ELF2: variants seen among roughly 807,000 people sequenced by gnomAD.
ELF2 encodes the protein ETS-related transcription factor Elf-2.
A neutral mutation model predicts 54.8 loss-of-function variants in ELF2; 11 were observed. That is an observed-to-expected ratio of 0.20 (90% CI 0.13 to 0.33). The LOEUF is 0.33. Ranked by LOEUF, ELF2 falls within the 10% of genes least tolerant of loss-of-function variation. The pLI is 1.00. For missense variants in ELF2, 513 were observed against 703.0 expected, an observed-to-expected ratio of 0.73 and a Z score of 3.06; for synonymous variants, 203 against 245.1, an observed-to-expected ratio of 0.83 and a Z score of 1.61.
In ELF2 at chr4:139,148,100, T is replaced by TAAA. The variant is rs146479159; in HGVS notation, c.-251-8606_-251-8604dup. Among the ~76,000 whole-genome samples, 388 of 142,880 alleles carry TAAA rather than the reference T, an allele frequency of 2.7e-3. 4 individuals are homozygous for TAAA. The East Asian group carries it at 0.037, about 14-fold the overall frequency. 93.7% of individuals were successfully genotyped at this position (142,880 alleles called of 152,430 possible). A position where few individuals can be genotyped will look rare whatever the true frequency, so the allele number is the denominator to read the frequency against. The stretch of plus-strand genomic sequence containing the variant: ...CGTGCCCAGCCAAGACCCTGTACCT[T>TAAA]AAAAAAAAAAAAAAATTAATGTACT... On this transcript the variant is annotated intron_variant, in intron 1 of 9. Coordinates refer to ENST00000686138, the MANE Select transcript of ELF2 (RefSeq NM_001331036.3).
chr4:139,136,509 A>G (rs1283515135), intron 3 of ELF2, among the ~76,000 whole-genome samples: 2 of 152,180 alleles, frequency 1.3e-5, no homozygotes, highest in Non-Finnish European at 2.9e-5. Flanking sequence ...ACTGGTAGGA[A>G]GCACGAGTAA....
chr4:139,093,464 T>C (rs1308176731), intron 4 of ELF2, among the ~76,000 whole-genome samples: 3 of 152,200 alleles, frequency 2.0e-5, no homozygotes. Flanking sequence ...ATTTTATGAG[T>C]CTAGTGTAAT....
intron 4 of ELF2, among the ~76,000 whole-genome samples, chr4:139,091,566 C>T (rs1237651724): frequency 4.6e-5 from 7 of 152,194 alleles, no homozygotes; most frequent in Non-Finnish European, 1.0e-4. Context: ...TCAGTGCAGC[C>T]TCAACCTCCT....
chr4:139,091,025 C>A (rs1732515320), intron 4 of ELF2, among the ~76,000 whole-genome samples: 1 of 152,156 alleles, frequency 6.6e-6, no homozygotes, highest in Non-Finnish European at 1.5e-5. Context: ...GCTCCACCTT[C>A]CGGGTTCACG....
rs559330886 is a variant in ELF2 at position 139,136,215 on chromosome 4, T to C, written c.72+1415A>G. 2.6e-5 allele frequency among the ~76,000 whole-genome samples: 4 copies of C among 152,254 alleles called. No homozygotes were observed. In the South Asian group the frequency reaches 8.3e-4, roughly 32 times the overall value. ...GAATCTTGAGGGAAGAAATAAGACA[T>C]TGACGATGGGAAGAAAGTATGTTCT... On this transcript the variant is annotated intron_variant, in intron 3 of 9. Transcript: ENST00000686138.
At chr4:139,131,540 A>C (rs935944378) in intron 3 of ELF2, among the ~76,000 whole-genome samples, 3 of 152,214 alleles carry the variant, frequency 2.0e-5, no homozygotes, top group African/African-American at 7.2e-5. Flanking sequence ...AAAGATAATA[A>C]AATTCAGGAG....
chr4:139,109,125 CTT>C (rs1302515149), intron 4 of ELF2, among the ~76,000 whole-genome samples: 2 of 152,070 alleles, frequency 1.3e-5, no homozygotes, highest in African/African-American at 4.8e-5. Context: ...ATAAATCTAA[CTT>C]TATTTTTTTT....
chr4:139,063,732 A>C (rs745830821), intron 7 of ELF2, among the ~76,000 whole-genome samples: 5 of 152,176 alleles, frequency 3.3e-5, no homozygotes, highest in Non-Finnish European at 7.3e-5. Context: ...TTATATTCCA[A>C]ATAATCTAGA....
intron 4 of ELF2, among the ~76,000 whole-genome samples, chr4:139,098,546 G>A (rs1033070818): frequency 4.0e-5 from 6 of 148,778 alleles, no homozygotes; most frequent in African/African-American, 1.5e-4. Flanking sequence ...TCGGCTCACT[G>A]CAACCTCCAC....
At chr4:139,164,437 A>G (rs1741523790) in intron 1 of ELF2, among the ~76,000 whole-genome samples, 1 of 152,140 alleles carries the variant, frequency 6.6e-6, no homozygotes, top group African/African-American at 2.4e-5. Flanking sequence ...GGAGTTCGAG[A>G]CCAGCCTGGA....
At chr4:139,132,500 G>C (rs1050810418) in intron 3 of ELF2, among the ~76,000 whole-genome samples, 1 of 152,012 alleles carries the variant, frequency 6.6e-6, no homozygotes, top group Admixed American at 6.6e-5. Context: ...TATCCCTATA[G>C]ATTTCTATCC....
chr4:139,152,746 T>C (rs927503375), intron 1 of ELF2, among the ~76,000 whole-genome samples: 4 of 152,098 alleles, frequency 2.6e-5, no homozygotes, highest in African/African-American at 9.7e-5. Flanking sequence ...TTTTTAATAA[T>C]GAAATCAATG....
At chr4:139,158,198 C>T (rs1439634527) in intron 1 of ELF2, among the ~76,000 whole-genome samples, 1 of 152,050 alleles carries the variant, frequency 6.6e-6, no homozygotes, top group African/African-American at 2.4e-5. Context: ...AGTGGGGGAG[C>T]TTTTGAGCCA....
intron 9 of ELF2, 36 bp downstream of exon 9, chr4:139,060,288 G>A (rs1212382620): frequency 2.7e-6 from 4 of 1,502,480 alleles, no homozygotes; most frequent in South Asian, 1.3e-5. Context: ...TTTTTAAAAA[G>A]TAAATACATT....
chr4:139,084,940 C>T (rs1731804846), intron 4 of ELF2, among the ~76,000 whole-genome samples: 1 of 152,088 alleles, frequency 6.6e-6, no homozygotes, highest in Non-Finnish European at 1.5e-5. Context: ...TTTCCCTTAA[C>T]AGAAGTGTCA....
intron 4 of ELF2, among the ~76,000 whole-genome samples, chr4:139,103,337 C>T (rs1446602007): frequency 6.6e-6 from 1 of 152,118 alleles, no homozygotes; most frequent in Non-Finnish European, 1.5e-5. Context: ...AGGATGGGGG[C>T]TAGTCACCAG....
rs57448343 is a variant in ELF2 at position 139,064,136 on chromosome 4, C to T, written c.614-2079G>A. On this transcript the variant is annotated intron_variant, in intron 7 of 9. Coordinates refer to ENST00000686138, the MANE Select transcript of ELF2 (RefSeq NM_001331036.3). Reference sequence around the variant, plus strand: ...CCAGCCTGGCCAACATGGTAAAACCCTATCTCTACAAAAATACAAAAATTA... The same window carrying T: ...CCAGCCTGGCCAACATGGTAAAACCTTATCTCTACAAAAATACAAAAATTA... Among the ~76,000 whole-genome samples, 536 of 152,220 alleles carry T rather than the reference C, an allele frequency of 3.5e-3. 4 individuals are homozygous for T. Among genetic ancestry groups the T allele is most frequent in the African/African-American group, 0.012 (498 of 41,538 alleles).
chr4:139,144,813 G>A (rs897960295), intron 1 of ELF2, among the ~76,000 whole-genome samples: 4 of 152,198 alleles, frequency 2.6e-5, no homozygotes, highest in African/African-American at 9.7e-5. Flanking sequence ...GGCTCCAAAA[G>A]CCCAACATGG....
At chr4:139,106,464 T>C (rs1454076305) in intron 4 of ELF2, among the ~76,000 whole-genome samples, 1 of 152,162 alleles carries the variant, frequency 6.6e-6, no homozygotes, top group African/African-American at 2.4e-5. Context: ...CTAACTAAAA[T>C]TTAGCTCTTT....
Sources: allele counts gnomAD v4.1 joint callset (sites outside exome capture counted in the v4.1 genomes callset), GRCh38; gene constraint gnomAD v4.1.1; transcripts MANE v1.5; gene names NCBI Gene and HGNC (gene_info 2026-07-23, HGNC 2026-07-21).